The following TAFA2 variants were observed in gnomAD, a reference collection of about 807,000 sequenced individuals.
TAFA2 encodes chemokine-like protein TAFA-2.
TAFA2 carries 7 observed loss-of-function variants against 18.8 expected under a neutral mutation model. The observed-to-expected ratio is 0.37, with a 90% CI of 0.21 to 0.70. TAFA2 has a LOEUF of 0.70. Among genes scored for constraint, TAFA2 ranks in the 30% least tolerant of loss-of-function variants. The probability of loss-of-function intolerance (pLI) is 0.53; values close to 1 mark genes in which losing one functional copy is unlikely to be tolerated. For synonymous variants in TAFA2, 60 were observed against 54.2 expected, an observed-to-expected ratio of 1.11 and a Z score of -0.47; for missense variants, 122 against 158.1, an observed-to-expected ratio of 0.77 and a Z score of 1.23.
At chr12:61,813,579 G>T (rs1205795421) in intron 2 of TAFA2, among the ~76,000 whole-genome samples, 1 of 151,126 alleles carries the variant, frequency 6.6e-6, no homozygotes, top group Non-Finnish European at 1.5e-5. Context: ...CCTGCAATTT[G>T]TACAAGTATT....
chr12:61,762,631 T>TCATATATA, intron 2 of TAFA2, among the ~76,000 whole-genome samples: 1 of 44,680 alleles, frequency 2.2e-5, no homozygotes, highest in East Asian at 7.5e-4. Context: ...TAATTTCATT[T>TCATATATA]TTTATATATA....
intron 1 of TAFA2, among the ~76,000 whole-genome samples, chr12:61,976,605 T>C (rs887816624): frequency 1.3e-5 from 2 of 151,906 alleles, no homozygotes; most frequent in Non-Finnish European, 2.9e-5. Flanking sequence ...TTGTTACATA[T>C]GTATATATGT....
intron 2 of TAFA2, among the ~76,000 whole-genome samples, chr12:61,816,847 T>A (rs539382548): frequency 6.6e-6 from 1 of 151,350 alleles, no homozygotes; most frequent in Admixed American, 6.6e-5. Flanking sequence ...CCTTCTCACA[T>A]CTGACTGAAC....
intron 1 of TAFA2, among the ~76,000 whole-genome samples, chr12:61,977,451 C>T (rs1241479007): frequency 6.6e-6 from 1 of 151,986 alleles, no homozygotes; most frequent in Non-Finnish European, 1.5e-5. Flanking sequence ...TTTGACTTTC[C>T]TATTTGACCT....
chr12:62,013,418 A>G (rs936489514), intron 1 of TAFA2, among the ~76,000 whole-genome samples: 1 of 152,218 alleles, frequency 6.6e-6, no homozygotes, highest in South Asian at 2.1e-4. Context: ...ACACACAAGA[A>G]AAAGGAAAGA....
At chr12:61,785,756 TA>T (rs1395824177) in intron 2 of TAFA2, among the ~76,000 whole-genome samples, 1 of 151,608 alleles carries the variant, frequency 6.6e-6, no homozygotes, top group East Asian at 1.9e-4. Context: ...TATATGACCA[TA>T]AGCATGCTCT....
intron 2 of TAFA2, among the ~76,000 whole-genome samples, chr12:61,864,144 A>G (rs192096107): frequency 6.6e-6 from 1 of 152,252 alleles, no homozygotes; most frequent in Admixed American, 6.5e-5. Context: ...GTCATACGCA[A>G]ATTGCCTCTG....
intron 1 of TAFA2, among the ~76,000 whole-genome samples, chr12:62,006,381 G>C (rs1880550830): frequency 8.2e-6 from 1 of 121,292 alleles, no homozygotes; most frequent in Non-Finnish European, 1.6e-5. Flanking sequence ...TAAATTTCAC[G>C]TGGATAGCAG....
At position 62,101,933 on chromosome 12, in the gene TAFA2, G is replaced by A. The variant is rs537088549; in HGVS notation, c.-2+89326C>T. Among the ~76,000 whole-genome samples, 13 of 152,250 alleles carry A rather than the reference G, an allele frequency of 8.5e-5. 2 individuals are homozygous for A. The South Asian group carries it at 2.3e-3, about 27-fold the overall frequency. On this transcript the variant is annotated intron_variant, in intron 1 of 4. Coordinates refer to ENST00000416284, the MANE Select transcript of TAFA2 (RefSeq NM_178539.5). The stretch of plus-strand genomic sequence containing the variant: ...AAACACATAGTAGTGCTGACAAAAT[G>A]GTGAAAGAGCAATTAGCTCTGCCTG...
chr12:61,969,958 G>T (rs1295407451), intron 1 of TAFA2, among the ~76,000 whole-genome samples: 1 of 151,610 alleles, frequency 6.6e-6, no homozygotes, highest in Admixed American at 6.6e-5. Context: ...CATAGTCAGA[G>T]AAAGGATGAG....
chr12:61,971,659 G>C (rs1160502168), intron 1 of TAFA2, among the ~76,000 whole-genome samples: 3 of 151,732 alleles, frequency 2.0e-5, no homozygotes, highest in African/African-American at 7.3e-5. Flanking sequence ...TCACTCATAA[G>C]TGGGAGTTGA....
intron 1 of TAFA2, among the ~76,000 whole-genome samples, chr12:62,170,789 T>C (rs755005830): frequency 2.6e-5 from 4 of 152,136 alleles, no homozygotes; most frequent in Non-Finnish European, 4.4e-5. Flanking sequence ...CCACCCTCCA[T>C]CCTTTCTAGC....
chr12:62,156,269 G>A (rs1456127423), intron 1 of TAFA2, among the ~76,000 whole-genome samples: 1 of 152,120 alleles, frequency 6.6e-6, no homozygotes, highest in Non-Finnish European at 1.5e-5. Context: ...CTGCAAGAAC[G>A]TCCATAATCA....
intron 1 of TAFA2, among the ~76,000 whole-genome samples, chr12:62,254,583 T>C (rs1199103057): frequency 6.6e-6 from 1 of 152,164 alleles, no homozygotes; most frequent in Non-Finnish European, 1.5e-5. Flanking sequence ...TGAACTGACA[T>C]AGTTCAAGAC....
intron 1 of TAFA2, among the ~76,000 whole-genome samples, chr12:62,029,073 C>T (rs191406050): frequency 9.9e-5 from 15 of 152,130 alleles, no homozygotes; most frequent in Admixed American, 7.9e-4. Flanking sequence ...ATACTAAAAA[C>T]GGAAAATGTC....
At chr12:61,720,005 A>G (rs1010888608) in intron 4 of TAFA2, among the ~76,000 whole-genome samples, 1 of 152,076 alleles carries the variant, frequency 6.6e-6, no homozygotes, top group Non-Finnish European at 1.5e-5. Flanking sequence ...GGCAACACAG[A>G]TGGCGATGTT....
At chr12:62,093,593 T>C (rs1436383566) in intron 1 of TAFA2, among the ~76,000 whole-genome samples, 2 of 152,062 alleles carry the variant, frequency 1.3e-5, no homozygotes, top group Non-Finnish European at 2.9e-5. Flanking sequence ...CTAGAATTTA[T>C]ACATCCAAAC....
Position 61,815,164 on chromosome 12 carries a change from A to G in TAFA2, c.106+52156T>C, listed in dbSNP as rs962280624. 9.9e-5 allele frequency among the ~76,000 whole-genome samples: 15 copies of G among 151,584 alleles called. 1 individual carries two copies. Among genetic ancestry groups the G allele is most frequent in the African/African-American group, 3.4e-4 (14 of 40,848 alleles). On this transcript the variant is annotated intron_variant, in intron 2 of 4. Transcript: ENST00000416284. ...AGAAATAGTAGAGAGGAGGACATAT[A>G]TCTACTATATATTTTCTAGGAAGAT...
chr12:62,219,977 T>C (rs17659212), intron 1 of TAFA2, among the ~76,000 whole-genome samples: 12,753 of 152,140 alleles, frequency 0.084, 674 homozygotes, highest in Middle Eastern at 0.18. Flanking sequence ...TTTTGGGAAG[T>C]GGAAAAATCT....
Sources: allele counts gnomAD v4.1 joint callset (sites outside exome capture counted in the v4.1 genomes callset), GRCh38; gene constraint gnomAD v4.1.1; transcripts MANE v1.5; gene names NCBI Gene and HGNC (gene_info 2026-07-23, HGNC 2026-07-21).